Variants in ARID1B observed in about 807,000 individuals in gnomAD.
ARID1B encodes AT-rich interactive domain-containing protein 1B.
ARID1B carries 30 observed loss-of-function variants against 212.3 expected under a neutral mutation model. That is an observed-to-expected ratio of 0.14 (90% CI 0.11 to 0.19). The LOEUF (loss-of-function observed/expected upper bound fraction) is 0.19, where lower values mean the gene tolerates loss of function less well. ARID1B is among the 10% of genes least tolerant of loss of function. The probability of loss-of-function intolerance (pLI) is 1.00; values close to 1 mark genes in which losing one functional copy is unlikely to be tolerated. For synonymous variants in ARID1B, 1,402 were observed against 1,301.7 expected, an observed-to-expected ratio of 1.08 and a Z score of -1.66; for missense variants, 2,891 against 3,204.0, an observed-to-expected ratio of 0.90 and a Z score of 2.36.
intron 2 of ARID1B, among the ~76,000 whole-genome samples, chr6:156,863,950 C>T (rs781484271): frequency 1.3e-5 from 2 of 152,114 alleles, no homozygotes; most frequent in East Asian, 1.9e-4. Context: ...CTCACTAGTT[C>T]GAACATTCCG....
intron 4 of ARID1B, among the ~76,000 whole-genome samples, chr6:156,986,166 T>TA (rs1562529304): frequency 6.6e-6 from 1 of 152,166 alleles, no homozygotes; most frequent in Non-Finnish European, 1.5e-5. Context: ...TTTTATCACT[T>TA]ACCTGTCCTC....
chr6:156,945,082 C>T (rs1176027573), intron 4 of ARID1B, among the ~76,000 whole-genome samples: 5 of 144,830 alleles, frequency 3.5e-5, no homozygotes, highest in African/African-American at 1.0e-4. Context: ...GCCACCAAGT[C>T]GGGCTAATTT....
rs1049209609 is a variant in ARID1B, at chr6:157,200,751, G to A, written c.4526G>A (p.Arg1509His). 2 of 1,613,424 alleles carry A rather than the reference G, an allele frequency of 1.2e-6. No individual in the cohort carries two copies. Among genetic ancestry groups the A allele is most frequent in the Non-Finnish European group, 1.7e-6 (2 of 1,179,796 alleles). ...MDGMYGPPAK[R>H]HEGDMYNMQY... is the part of the protein sequence containing the mutation. The stretch of plus-strand genomic sequence containing the variant: ...GGCATGTACGGGCCCCCAGCCAAGC[G>A]CCACGAGGGCGACATGTACAACATG... Residue 1509 changes from arginine (R) to histidine (H), a missense_variant, in exon 18 of 20, where the codon CGC becomes CAC. By Grantham distance (29) the Arg-to-His change is conservative. Coordinates refer to ENST00000636930, the MANE Select transcript of ARID1B (RefSeq NM_001374828.1). This position sits in a 1 kb window ranked among gnomAD's most constrained non-coding sequence, Gnocchi z 4.3.
intron 4 of ARID1B, among the ~76,000 whole-genome samples, chr6:156,965,704 A>T (rs1321375460): frequency 1.3e-5 from 2 of 152,176 alleles, no homozygotes; most frequent in Non-Finnish European, 2.9e-5. Flanking sequence ...TTGGAACCTA[A>T]TGGAGAATTG....
rs934142431 is a variant in ARID1B, at chr6:156,872,731, T to C, written c.1987-28645T>C. ...TTCCAGGGACCAGAAAAAGGGGAAA[T>C]AGGTATCTGAGAAATAACAAGGTCT... On this transcript the variant is annotated intron_variant, in intron 2 of 19. Coordinates refer to ENST00000636930, the MANE Select transcript of ARID1B (RefSeq NM_001374828.1). 1.1e-4 allele frequency among the ~76,000 whole-genome samples: 16 copies of C among 152,200 alleles called. No individual in the cohort carries two copies. In the East Asian group the frequency reaches 1.5e-3, roughly 15 times the overall value.
intron 5 of ARID1B, among the ~76,000 whole-genome samples, chr6:157,105,878 G>C (rs986692216): frequency 1.3e-5 from 2 of 152,142 alleles, no homozygotes; most frequent in Non-Finnish European, 2.9e-5. Context: ...GGGATTACAG[G>C]GGTGAACCAT....
At chr6:157,001,939 C>T (rs903951810) in intron 4 of ARID1B, among the ~76,000 whole-genome samples, 3 of 152,172 alleles carry the variant, frequency 2.0e-5, no homozygotes, top group South Asian at 2.1e-4. Flanking sequence ...CCACGCTGCT[C>T]GTTTCCAGAG....
At chr6:157,075,822 C>T (rs572289790) in intron 4 of ARID1B, among the ~76,000 whole-genome samples, 21 of 152,254 alleles carry the variant, frequency 1.4e-4, no homozygotes, top group South Asian at 6.2e-4. Context: ...GGACATTTTA[C>T]AAAATACCTG....
chr6:156,881,162 G>A (rs1480799525), intron 2 of ARID1B, among the ~76,000 whole-genome samples: 1 of 152,214 alleles, frequency 6.6e-6, no homozygotes, highest in Non-Finnish European at 1.5e-5. Flanking sequence ...GGCCTGCATG[G>A]CTGGGAACAG....
intron 8 of ARID1B, chr6:157,152,521 C>G (rs188003117): frequency 6.6e-6 from 1 of 152,346 alleles, no homozygotes; most frequent in Non-Finnish European, 1.5e-5. Flanking sequence ...TATGTCTACA[C>G]TATTCTTTCT....
chr6:156,950,571 A>G (rs1009800178), intron 4 of ARID1B, among the ~76,000 whole-genome samples: 1 of 151,054 alleles, frequency 6.6e-6, no homozygotes, highest in East Asian at 1.9e-4. Flanking sequence ...ATGACATTAA[A>G]TGAATATGTT....
At chr6:157,186,272 G>T in intron 13 of ARID1B, 1 of 347,568 alleles carries the variant, frequency 2.9e-6, no homozygotes, top group Admixed American at 3.9e-5. Context: ...TTTTTAAACT[G>T]TCATTTTTAT....
chr6:156,864,991 G>A (rs562496575), intron 2 of ARID1B, among the ~76,000 whole-genome samples: 1 of 152,094 alleles, frequency 6.6e-6, no homozygotes, highest in South Asian at 2.1e-4. Flanking sequence ...ATCTCAATCG[G>A]TTATAACTGT....
chr6:156,989,319 A>G (rs1251466966), intron 4 of ARID1B, among the ~76,000 whole-genome samples: 1 of 152,186 alleles, frequency 6.6e-6, no homozygotes, highest in African/African-American at 2.4e-5. Flanking sequence ...GGATCGTCTT[A>G]TGTCCTGGTG....
At chr6:156,812,124 T>G (rs1036274857) in intron 1 of ARID1B, among the ~76,000 whole-genome samples, 1 of 152,234 alleles carries the variant, frequency 6.6e-6, no homozygotes, top group Non-Finnish European at 1.5e-5. Flanking sequence ...CCTTGATATT[T>G]CTGCATCTCT....
At chr6:156,789,472 C>A (rs759684388) in intron 1 of ARID1B, among the ~76,000 whole-genome samples, 1 of 152,112 alleles carries the variant, frequency 6.6e-6, no homozygotes, top group Non-Finnish European at 1.5e-5. Context: ...TCTTTGGTGA[C>A]CTCCACAAAT....
intron 4 of ARID1B, among the ~76,000 whole-genome samples, chr6:157,027,131 T>A (rs1780712161): frequency 6.6e-6 from 1 of 152,082 alleles, no homozygotes; most frequent in South Asian, 2.1e-4. Flanking sequence ...TAAAAAAAAA[T>A]AGTTGTCTGT....
At chr6:157,114,736 A>G (rs971997728) in intron 6 of ARID1B, among the ~76,000 whole-genome samples, 1 of 152,256 alleles carries the variant, frequency 6.6e-6, no homozygotes, top group African/African-American at 2.4e-5. Context: ...CACAGGAGAT[A>G]ACATTTTCTT....
rs1263274493 is a variant in ARID1B, at chr6:157,201,145, C to T, written c.4920C>T (p.Ser1640=). The part of the protein sequence containing the change: ...NHESQWPSHV[S]QRQPYMSSSA... ...AGAGCCAGTGGCCTTCTCACGTCAGCCAGCGTCAGCCTTATATGTCGTCCT... is the reference window on the plus strand; with the variant it reads ...AGAGCCAGTGGCCTTCTCACGTCAGTCAGCGTCAGCCTTATATGTCGTCCT... The change falls in exon 18 of 20, where the codon AGC becomes AGT. Residue 1640 remains serine (S), a synonymous_variant. Transcript: ENST00000636930. The surrounding 1 kb of genome is among the most constrained non-coding windows in gnomAD (Gnocchi z 5.2). 3.7e-6 allele frequency: 6 copies of T among 1,614,062 alleles called. No homozygotes were observed. Among genetic ancestry groups the T allele is most frequent in the East Asian group, 2.2e-5 (1 of 44,884 alleles).
Sources: gnomAD v4.1 joint callset for allele counts (sites outside exome capture counted in the v4.1 genomes callset) on GRCh38, gnomAD v4.1.1 for gene constraint, Gnocchi (gnomAD v3.1) non-coding constraint, MANE v1.5 for transcripts, NCBI Gene and HGNC (gene_info 2026-07-23, HGNC 2026-07-21) for gene names.